The following SRCAP variants were observed in gnomAD, a reference collection of about 807,000 sequenced individuals.
SRCAP encodes Snf2 related CREBBP activator protein.
In SRCAP, 46 loss-of-function variants were observed where a neutral mutation model predicts 263.1. The ratio of observed to expected loss-of-function variants is 0.17; its 90% CI spans 0.14 to 0.22. The LOEUF (loss-of-function observed/expected upper bound fraction) is 0.22, where lower values mean the gene tolerates loss of function less well. Ranked by LOEUF, SRCAP falls within the 10% of genes least tolerant of loss-of-function variation. The pLI is 1.00. For synonymous variants in SRCAP, 1,813 were observed against 1,662.1 expected (o/e 1.09, Z -2.21); for missense variants, 3,695 against 4,181.9 (o/e 0.88, Z 3.21).
Position 30,733,395 on chromosome 16 carries a change from C to T in SRCAP, c.6243C>T (p.Tyr2081=). The change falls in exon 28 of 34, where the codon TAC becomes TAT. Residue 2081 remains tyrosine, a synonymous_variant. Transcript: ENST00000262518. The surrounding 1 kb of genome is among the most constrained non-coding windows in gnomAD (Gnocchi z 5.3). ...ATGTATTGGAGCAGTTTCTCACCTA[C>T]CATGGCCATCTCTACCTGCGCCTGG... ...MLDVLEQFLT[Y]HGHLYLRLDG... is the part of the protein sequence containing the mutation. The T allele has an allele frequency of 1.2e-6, 2 of 1,614,096 alleles. No individual in the cohort carries two copies. The highest frequency in any genetic ancestry group is 1.7e-6 in the Non-Finnish European group (2 of 1,180,008).
Position 30,739,892 on chromosome 16 carries a change from G to A in SRCAP, c.*159G>A. 8.3e-7 allele frequency: 1 copy of A among 1,200,418 alleles called. No homozygotes were observed. The highest frequency in any genetic ancestry group is 1.1e-6 in the Non-Finnish European group (1 of 904,250). The allele number at this position is 1,200,418 out of a possible 1,614,324, so 74.4% of individuals were successfully genotyped here. A position where few individuals can be genotyped will look rare whatever the true frequency, so the allele number is the denominator to read the frequency against. On this transcript the variant is annotated 3_prime_UTR_variant, in exon 34 of 34. Transcript: ENST00000262518. ...CACCAAAGTAGGGGGTAGGCAACTGGTTGTCATGGAAATGGGGATCATCAC... is the reference window on the plus strand; with the variant it reads ...CACCAAAGTAGGGGGTAGGCAACTGATTGTCATGGAAATGGGGATCATCAC...
chr16:30,714,526 G>C (rs1404988741), intron 16 of SRCAP, among the ~76,000 whole-genome samples: 2 of 1,416 alleles, frequency 1.4e-3, no homozygotes, highest in African/African-American at 1.6e-3. Flanking sequence ...TTTTGAGACA[G>C]AGTCTCTCTC....
intron 9 of SRCAP, 64 bp from the exon 10 acceptor site, chr16:30,710,935 T>C (rs1274686936): frequency 1.3e-6 from 2 of 1,598,730 alleles, no homozygotes; most frequent in African/African-American, 1.3e-5. Context: ...ATCTGTTTCA[T>C]TTGGACTGTG....
chr16:30,699,607 C>A (rs1463440003), intron 1 of SRCAP, among the ~76,000 whole-genome samples: 2 of 152,140 alleles, frequency 1.3e-5, no homozygotes, highest in African/African-American at 4.8e-5. Context: ...CAGGTAGCAC[C>A]TTTCTGAGGT....
chr16:30,732,628 A>C (rs2053124335), intron 27 of SRCAP, among the ~76,000 whole-genome samples: 1 of 152,130 alleles, frequency 6.6e-6, no homozygotes, highest in Non-Finnish European at 1.5e-5. Flanking sequence ...ATTTGTTGAT[A>C]TCTATCCTGT....
rs2053158038 is a variant in SRCAP at position 30,736,036 on chromosome 16, AC to A, written c.6730-162del. Among the ~76,000 whole-genome samples, 3 of 151,666 alleles carry A rather than the reference AC, an allele frequency of 2.0e-5. No homozygotes were observed. In the South Asian group the frequency reaches 6.2e-4, roughly 31 times the overall value. ...GTAAAATCCATTCCATCCTTTGTGG[AC>A]CACTGAGTTGTTGTGGTAACTCTGG... On this transcript the variant is annotated intron_variant, in intron 31 of 33. Coordinates refer to ENST00000262518, the MANE Select transcript of SRCAP (RefSeq NM_006662.3).
chr16:30,729,965 G>A (rs372352325), intron 27 of SRCAP, among the ~76,000 whole-genome samples: 4 of 151,972 alleles, frequency 2.6e-5, no homozygotes, highest in Non-Finnish European at 1.5e-5. Context: ...ATGGGATTTC[G>A]CCATGTTGGC....
At chr16:30,728,698 A>G (rs2053085258) in intron 25 of SRCAP, among the ~76,000 whole-genome samples, 1 of 152,216 alleles carries the variant, frequency 6.6e-6, no homozygotes, top group African/African-American at 2.4e-5. Flanking sequence ...CTTTGGTAGC[A>G]TACAAGGAAA....
intron 6 of SRCAP, among the ~76,000 whole-genome samples, chr16:30,708,057 C>T (rs1038280444): frequency 2.6e-5 from 4 of 152,186 alleles, no homozygotes; most frequent in Admixed American, 1.3e-4. Context: ...ACCCAGTTTC[C>T]GTCTGTATTT....
chr16:30,699,491 G>A (rs750950979), intron 1 of SRCAP, among the ~76,000 whole-genome samples: 1 of 152,122 alleles, frequency 6.6e-6, no homozygotes. Context: ...ACAGCGCCCT[G>A]CCCTGAATCC....
rs2052893153 is a variant in SRCAP at position 30,711,639 on chromosome 16, G to A, written c.1387G>A (p.Glu463Lys). The A allele has an allele frequency of 6.2e-7, 1 of 1,614,090 alleles. No homozygotes were observed. Among genetic ancestry groups the A allele is most frequent in the Non-Finnish European group, 8.5e-7 (1 of 1,180,006 alleles). The change falls in exon 11 of 34, where the codon GAA becomes AAA. Residue 463 changes from glutamate to lysine, a missense_variant. Glu to Lys is a moderately conservative substitution (Grantham distance 56). Coordinates refer to ENST00000262518, the MANE Select transcript of SRCAP (RefSeq NM_006662.3). ...CTATGCCCCAGGCTCTGGGAGCAGT[G>A]AAGATGAGGATGAAGATGAGGTTGA... The part of the protein sequence containing the change: ...GAYAPGSGSS[E>K]DEDEDEVDAN...
At position 30,724,353 on chromosome 16, in the gene SRCAP, C is replaced by T. The variant is rs745507983; in HGVS notation, c.4929C>T (p.Ala1643=). The change falls in exon 25 of 34, where the codon GCC becomes GCT. Residue 1643 remains alanine, a synonymous_variant. Coordinates refer to ENST00000262518, the MANE Select transcript of SRCAP (RefSeq NM_006662.3). ...CGTCTACTCCAGGAACCTCTTTAGC[C>T]TCAGCTTCACCGGTACCAGCTCCAA... The part of the protein sequence containing the change: ...APSSTPGTSL[A]SASPVPAPTP... 6.2e-7 allele frequency: 1 copy of T among 1,614,184 alleles called. No individual in the cohort carries two copies. Among genetic ancestry groups the T allele is most frequent in the Non-Finnish European group, 8.5e-7 (1 of 1,180,020 alleles).
rs542882073 is a variant in SRCAP at position 30,728,085 on chromosome 16, A to G, written c.5659-881A>G. Among the ~76,000 whole-genome samples, 7 of 152,292 alleles carry G rather than the reference A, an allele frequency of 4.6e-5. No individual in the cohort carries two copies. The East Asian group carries it at 9.6e-4, about 21-fold the overall frequency. On this transcript the variant is annotated intron_variant, in intron 25 of 33. Transcript: ENST00000262518. ...CTAGGACACCTTTTTTCCCTCACAT[A>G]GAGCACTTCAAGCCAAGAGGTGAAA...
At position 30,720,860 on chromosome 16, in the gene SRCAP, G is replaced by A. The variant is rs1188698631; in HGVS notation, c.3135G>A (p.Leu1045=). The A allele has an allele frequency of 3.1e-6, 5 of 1,613,890 alleles. No homozygotes were observed. The African/African-American group carries it at 4.0e-5, about 13-fold the overall frequency. ...CCCCTGGCCCAGTCCCCCAAGTGCT[G>A]CCAGCATCACTGATGGTTTCAGCCT... ...QPTPGPVPQV[L]PASLMVSASP... Residue 1045 remains leucine, a synonymous_variant, in exon 20 of 34, where the codon CTG becomes CTA. Transcript: ENST00000262518.
At chr16:30,725,327 C>A in intron 25 of SRCAP, 1 of 674,692 alleles carries the variant, frequency 1.5e-6, no homozygotes, top group East Asian at 3.5e-5. Flanking sequence ...GGCCTCTTTT[C>A]CCGTTTTTTA....
chr16:30,702,482 C>T (rs1365400120), intron 3 of SRCAP, among the ~76,000 whole-genome samples: 2 of 151,066 alleles, frequency 1.3e-5, no homozygotes, highest in African/African-American at 4.9e-5. Context: ...AATCCACCCG[C>T]CTCAGCCTCC....
chr16:30,712,411 T>C lies in SRCAP; in HGVS notation c.1965T>C (p.Ser655=), dbSNP rs2052901580. The C allele has an allele frequency of 1.3e-6, 2 of 1,589,914 alleles. No homozygotes were observed. Among genetic ancestry groups the C allele is most frequent in the East Asian group, 2.2e-5 (1 of 44,688 alleles). ...TTGGGAAGACCATCCAGACCATCTC[T>C]CTGCTTGCCCACTTGGCTTGTGAGA... ...MGLGKTIQTI[S]LLAHLACEKG... is the part of the protein sequence containing the mutation. Residue 655 remains serine, a synonymous_variant, in exon 13 of 34, where the codon TCT becomes TCC. Transcript: ENST00000262518.
intron 25 of SRCAP, 67 bp downstream of exon 25, chr16:30,725,149 G>C: frequency 6.5e-7 from 1 of 1,530,394 alleles, no homozygotes; most frequent in African/African-American, 1.4e-5. Flanking sequence ...AGGGTGGATG[G>C]AACAGTGATG....
chr16:30,739,470 C>G lies in SRCAP; in HGVS notation c.9430C>G (p.Pro3144Ala), dbSNP rs765414532. Residue 3144 changes from proline to alanine, a missense_variant, in exon 34 of 34, where the codon CCA becomes GCA. By Grantham distance (27) the Pro-to-Ala change is conservative. Around this residue, in one of 12 missense-constraint regions of SRCAP, gnomAD observed 1,207 missense variants for 1,142.9 expected, o/e 1.06. Coordinates refer to ENST00000262518, the MANE Select transcript of SRCAP (RefSeq NM_006662.3). ...EKLPRKRAGA[P>A]VGGSPGLAKR... ...GTTGCCTCGCAAACGAGCAGGGGCC[C>G]CAGTTGGTGGGAGTCCTGGGCTGGC... 6.2e-7 allele frequency: 1 copy of G among 1,614,106 alleles called. No individual in the cohort carries two copies. Among genetic ancestry groups the G allele is most frequent in the South Asian group, 1.1e-5 (1 of 91,090 alleles).
Sources: gnomAD v4.1 joint callset for allele counts (sites outside exome capture counted in the v4.1 genomes callset) on GRCh38, gnomAD v4.1.1 for gene constraint, gnomAD v4.1.1 regional missense constraint, Gnocchi (gnomAD v3.1) non-coding constraint, MANE v1.5 for transcripts, NCBI Gene and HGNC (gene_info 2026-07-23, HGNC 2026-07-21) for gene names.